Variants in TAB2 observed in about 807,000 individuals in gnomAD.
TAB2 encodes TGF-beta-activated kinase 1 and MAP3K7-binding protein 2.
In TAB2, 3 loss-of-function variants were observed where a neutral mutation model predicts 65.0. The ratio of observed to expected loss-of-function variants is 0.05; its 90% confidence interval spans 0.02 to 0.12. TAB2 has a LOEUF of 0.12. TAB2 is among the 10% of genes least tolerant of loss of function. The probability of loss-of-function intolerance (pLI) is 1.00; values close to 1 mark genes in which losing one functional copy is unlikely to be tolerated. For synonymous variants in TAB2, 298 were observed against 285.1 expected, an observed-to-expected ratio of 1.05 and a Z score of -0.46; for missense variants, 623 against 840.3, an observed-to-expected ratio of 0.74 and a Z score of 3.20.
At chr6:149,257,223 A>G (rs1778056039) in intron 1 of TAB2, among the ~76,000 whole-genome samples, 1 of 152,198 alleles carries the variant, frequency 6.6e-6, no homozygotes. Flanking sequence ...TAAAAAGTTC[A>G]ATAAATCATT....
chr6:149,316,897 C>T (rs1779267090), upstream of TAB2, among the ~76,000 whole-genome samples: 2 of 152,088 alleles, frequency 1.3e-5, 1 homozygote, highest in South Asian at 4.1e-4. Flanking sequence ...TCCCGCACAC[C>T]CTAGGGACGA....
rs146274178 is a variant in TAB2 at position 149,292,309 on chromosome 6, G to A, written c.-121+73533G>A. ...TCCCCTCATTTTCCAGTGACTTGGAGCATCAGAAAAAAACTCTTTCATAAT... is the reference window on the plus strand; with the variant it reads ...TCCCCTCATTTTCCAGTGACTTGGAACATCAGAAAAAAACTCTTTCATAAT... On this transcript the variant is annotated intron_variant, in intron 1 of 1. Coordinates refer to the TAB2 transcript ENST00000606202. Among the ~76,000 whole-genome samples the A allele has an allele frequency of 1.7e-4, 26 of 152,298 alleles. No individual in the cohort carries two copies. The East Asian group carries it at 4.8e-3, about 28-fold the overall frequency.
At chr6:149,406,561 T>C (rs1782671070) in intron 6 of TAB2, among the ~76,000 whole-genome samples, 1 of 152,154 alleles carries the variant, frequency 6.6e-6, no homozygotes, top group Non-Finnish European at 1.5e-5. Context: ...GCCGTCTGTT[T>C]TTGTCAATAA....
chr6:149,229,630 C>G (rs796577072), intron 1 of TAB2, among the ~76,000 whole-genome samples: 1 of 152,062 alleles, frequency 6.6e-6, no homozygotes, highest in Non-Finnish European at 1.5e-5. Flanking sequence ...GTAAAGGAGG[C>G]CTGGCAATAG....
intron 1 of TAB2, among the ~76,000 whole-genome samples, chr6:149,297,056 CTCTA>C (rs914675376): frequency 2.8e-4 from 43 of 151,758 alleles, no homozygotes; most frequent in East Asian, 5.8e-4. Context: ...CATTCATCCT[CTCTA>C]TCTCTCTCTC....
chr6:149,316,018 A>G (rs1447904078), upstream of TAB2, among the ~76,000 whole-genome samples: 1 of 152,226 alleles, frequency 6.6e-6, no homozygotes, highest in African/African-American at 2.4e-5. Context: ...GGTTTCAAAG[A>G]CAAGTGAAAT....
At chr6:149,315,418 T>C (rs1185869948), upstream of TAB2, among the ~76,000 whole-genome samples, 1 of 152,246 alleles carries the variant, frequency 6.6e-6, no homozygotes, top group East Asian at 1.9e-4. Context: ...TATTTTTTTC[T>C]GAACCGTTTG....
intron 1 of TAB2, among the ~76,000 whole-genome samples, chr6:149,365,862 A>G (rs1781022898): frequency 6.6e-6 from 1 of 152,054 alleles, no homozygotes; most frequent in Non-Finnish European, 1.5e-5. Flanking sequence ...TTTGTCTTCA[A>G]GTTCACTGAC....
intron 3 of TAB2, among the ~76,000 whole-genome samples, chr6:149,386,559 C>A (rs765224114): frequency 7.2e-5 from 11 of 152,176 alleles, no homozygotes; most frequent in African/African-American, 2.7e-4. Flanking sequence ...TCTTTCATGA[C>A]TCATCTATGG....
upstream of TAB2, among the ~76,000 whole-genome samples, chr6:149,316,546 C>T (rs1562411352): frequency 1.3e-5 from 2 of 152,098 alleles, no homozygotes; most frequent in Non-Finnish European, 2.9e-5. Context: ...GAAAAATGCC[C>T]TAGTGTTTTG....
chr6:149,269,444 A>C (rs1778321292), intron 1 of TAB2, among the ~76,000 whole-genome samples: 1 of 152,190 alleles, frequency 6.6e-6, no homozygotes, highest in Non-Finnish European at 1.5e-5. Flanking sequence ...TTCAATTTAC[A>C]GAAGATTAAA....
chr6:149,403,291 C>T lies in TAB2; in HGVS notation c.1939+4107C>T, dbSNP rs1451960633. Among the ~76,000 whole-genome samples, 178 of 83,410 alleles carry T rather than the reference C, an allele frequency of 2.1e-3. 3 individuals are homozygous for T. Among genetic ancestry groups the T allele is most frequent in the African/African-American group, 8.8e-3 (154 of 17,526 alleles). The allele number at this position is 83,410 out of a possible 152,430, so 54.7% of individuals were successfully genotyped here. ...ATATATATATATATATATACACACA[C>T]ACACATATATATATATATATATACA... is the stretch of plus-strand genomic sequence containing the variant. On this transcript the variant is annotated intron_variant, in intron 6 of 6. Coordinates refer to ENST00000637181, the MANE Select transcript of TAB2 (RefSeq NM_001292034.3).
At chr6:149,321,009 G>A (rs1294250229) in intron 1 of TAB2, 1 of 152,192 alleles carries the variant, frequency 6.6e-6, no homozygotes, top group African/African-American at 2.4e-5. Flanking sequence ...CAGTAATAAG[G>A]AGGAGGAGAG....
chr6:149,307,610 A>C (rs1005934188), intron 1 of TAB2, among the ~76,000 whole-genome samples: 1 of 152,076 alleles, frequency 6.6e-6, no homozygotes, highest in East Asian at 1.9e-4. Context: ...ATATTTTATT[A>C]TTTACAAAGG....
intron 6 of TAB2, 142 bp from the exon 7 acceptor site, chr6:149,409,435 A>T: frequency 1.4e-6 from 1 of 712,984 alleles, no homozygotes; most frequent in Non-Finnish European, 2.4e-6. Flanking sequence ...GTGATCGAGC[A>T]TGTGTGTCAG....
chr6:149,218,226 C>T (rs921810595), upstream of TAB2: 1 of 152,196 alleles, frequency 6.6e-6, no homozygotes, highest in Non-Finnish European at 1.5e-5. Flanking sequence ...TTTGACACTA[C>T]CTAAAAATTC....
chr6:149,243,058 G>A lies in TAB2; in HGVS notation c.-121+24282G>A, dbSNP rs143969591. On this transcript the variant is annotated intron_variant, in intron 1 of 1. Transcript: ENST00000606202. ...ATGAGAGAAGGAATCGGCTATGCCT[G>A]CTCTTGGTCTCAGCCTCTGAAATAG... Among the ~76,000 whole-genome samples, 1,198 of 152,330 alleles carry A rather than the reference G, an allele frequency of 7.9e-3. 21 individuals are homozygous for A. Among genetic ancestry groups the A allele is most frequent in the African/African-American group, 0.027 (1,143 of 41,568 alleles).
At chr6:149,337,658 C>T (rs506779) in intron 1 of TAB2, among the ~76,000 whole-genome samples, 132,670 of 152,200 alleles carry the variant, frequency 0.87, 57,893 homozygotes, top group Middle Eastern at 0.97. Context: ...CATCTTGTAA[C>T]ACCACAGTCA....
chr6:149,288,994 A>G lies in TAB2; in HGVS notation c.-121+70218A>G, dbSNP rs144229083. ...TGCCTCCACCTCCAGAATAGCTAGG[A>G]TTACAGGTATACGCTACCATGCCCA... is the stretch of plus-strand genomic sequence containing the variant. On this transcript the variant is annotated intron_variant, in intron 1 of 1. Coordinates refer to the TAB2 transcript ENST00000606202. Among the ~76,000 whole-genome samples the G allele has an allele frequency of 1.5e-3, 226 of 151,356 alleles. 1 individual carries two copies. The highest frequency in any genetic ancestry group is 5.0e-3 in the African/African-American group (208 of 41,190).
Sources: gnomAD v4.1 joint callset for allele counts (sites outside exome capture counted in the v4.1 genomes callset) on GRCh38, gnomAD v4.1.1 for gene constraint, MANE v1.5 for transcripts, NCBI Gene and HGNC (gene_info 2026-07-23, HGNC 2026-07-21) for gene names.